ACAT2: variants seen among roughly 807,000 people sequenced by gnomAD.
ACAT2 encodes acetyl-CoA acetyltransferase 2, also known as acetyl-CoA acetyltransferase, cytosolic.
ACAT2 carries 26 observed loss-of-function variants against 37.1 expected under a neutral mutation model. The ratio of observed to expected loss-of-function variants is 0.70; its 90% CI spans 0.51 to 0.97. The LOEUF (loss-of-function observed/expected upper bound fraction) is 0.97. Among genes scored for constraint, ACAT2 ranks in the 50% least tolerant of loss-of-function variants. ACAT2 has a pLI of 0.00. For synonymous variants in ACAT2, 156 were observed against 163.6 expected, an observed-to-expected ratio of 0.95 and a Z score of 0.35; for missense variants, 468 against 489.0, an observed-to-expected ratio of 0.96 and a Z score of 0.40.
At chr6:159,777,912 A>C (rs35625689) in intron 7 of ACAT2, among the ~76,000 whole-genome samples, 4 of 151,968 alleles carry the variant, frequency 2.6e-5, no homozygotes, top group Non-Finnish European at 2.9e-5. Flanking sequence ...TTAGGTACAC[A>C]TAACAGATGC....
At chr6:159,770,580 G>A (rs1583128170) in intron 4 of ACAT2, among the ~76,000 whole-genome samples, 1 of 151,970 alleles carries the variant, frequency 6.6e-6, no homozygotes, top group African/African-American at 2.4e-5. Flanking sequence ...GGGAGGCTGA[G>A]GTGGGAGGAT....
intron 4 of ACAT2, among the ~76,000 whole-genome samples, chr6:159,773,253 A>G (rs576456913): frequency 8.8e-4 from 134 of 152,294 alleles, no homozygotes; most frequent in Non-Finnish European, 1.1e-3. Context: ...ATGCAGTATG[A>G]ACTCAAGGTG....
intron 2 of ACAT2, among the ~76,000 whole-genome samples, chr6:159,766,044 C>T (rs1002190911): frequency 6.6e-6 from 1 of 152,210 alleles, no homozygotes; most frequent in African/African-American, 2.4e-5. Context: ...ACTCCATTCT[C>T]TTCTGTGCTA....
intron 1 of ACAT2, chr6:159,762,585 T>C: frequency 7.3e-7 from 1 of 1,367,012 alleles, no homozygotes; most frequent in South Asian, 1.3e-5. Context: ...GTCTCCTTCG[T>C]GCCGCATGGT....
At chr6:159,776,007 C>T in intron 5 of ACAT2, 143 bp from the exon 6 acceptor site, 1 of 835,744 alleles carries the variant, frequency 1.2e-6, no homozygotes, top group Non-Finnish European at 1.9e-6. Context: ...GTACTTTCCT[C>T]CTGTTGTCAT....
rs911606829 is a variant in ACAT2, at chr6:159,778,897, A to C, written c.*68A>C. The C allele has an allele frequency of 1.2e-6, 2 of 1,600,782 alleles. No homozygotes were observed. Among genetic ancestry groups the C allele is most frequent in the African/African-American group, 1.3e-5 (1 of 74,656 alleles). On this transcript the variant is annotated 3_prime_UTR_variant, in exon 9 of 9. Transcript: ENST00000367048. ...TAAAGTACTAGGTTGCAATATGTGAAATCAGAGGACCAAAGTACAGATGGA... is the reference window on the plus strand; with the variant it reads ...TAAAGTACTAGGTTGCAATATGTGACATCAGAGGACCAAAGTACAGATGGA...
intron 3 of ACAT2, among the ~76,000 whole-genome samples, chr6:159,767,579 T>G (rs1780274122): frequency 6.6e-6 from 1 of 152,224 alleles, no homozygotes; most frequent in South Asian, 2.1e-4. Flanking sequence ...GGGACCAGAC[T>G]TTTTGACCTT....
rs562614908 is a variant in ACAT2 at position 159,771,881 on chromosome 6, T to C, written c.490+3253T>C. On this transcript the variant is annotated intron_variant, in intron 4 of 8. Coordinates refer to ENST00000367048, the MANE Select transcript of ACAT2 (RefSeq NM_005891.3). ...TATGATTGCACCTGTGAGTATCTAC[T>C]GCATTCCAGTCTGGTTAACATAGTG... Among the ~76,000 whole-genome samples the C allele has an allele frequency of 2.6e-5, 4 of 152,232 alleles. No homozygotes were observed. In the South Asian group the frequency reaches 6.2e-4, roughly 24 times the overall value.
intron 2 of ACAT2, among the ~76,000 whole-genome samples, chr6:159,766,068 A>G (rs1413341283): frequency 6.6e-6 from 1 of 152,202 alleles, no homozygotes; most frequent in African/African-American, 2.4e-5. Flanking sequence ...TAAGTAAATT[A>G]TGTATTTCTT....
chr6:159,762,997 C>T lies in ACAT2; in HGVS notation c.134C>T (p.Ala45Val), dbSNP rs1562474434. The change falls in exon 2 of 9, where the codon GCC (alanine) becomes GTC (valine). Residue 45 changes from alanine to valine, a missense_variant. Coordinates refer to ENST00000367048, the MANE Select transcript of ACAT2 (RefSeq NM_005891.3). ...STVIKEVLKRATVAPEDVSEV... is the reference protein window; with the variant it reads ...STVIKEVLKRVTVAPEDVSEV... ...GTCATCAAAGAAGTCTTGAAGAGGG[C>T]CACTGTGGCTCCGGAAGATGTGTCT... 1.2e-6 allele frequency: 2 copies of T among 1,614,094 alleles called. No homozygotes were observed. Among genetic ancestry groups the T allele is most frequent in the South Asian group, 2.2e-5 (2 of 91,060 alleles).
chr6:159,779,043 G>A lies in ACAT2; in HGVS notation c.*214G>A. ...ATTGTTATAAATAAAAGGAACATCA[G>A]ATCAATCATTAAGGGCTCCAGAGTG... On this transcript the variant is annotated 3_prime_UTR_variant, in exon 9 of 9. Transcript: ENST00000367048. 1.2e-6 allele frequency: 2 copies of A among 1,611,458 alleles called. No individual in the cohort carries two copies. Among genetic ancestry groups the A allele is most frequent in the South Asian group, 2.2e-5 (2 of 90,928 alleles).
Position 159,768,560 on chromosome 6 carries a change from C to T in ACAT2, c.422C>T (p.Pro141Leu). ...ACAGGAGTAAAGATAGGTGAGATGC[C>T]ACTGACTGACAGTATACTCTGTGAT... ...LRTGVKIGEMPLTDSILCDGL... is the reference protein window; with the variant it reads ...LRTGVKIGEMLLTDSILCDGL... Residue 141 changes from proline to leucine, a missense_variant, in exon 4 of 9, where the codon CCA becomes CTA. Pro to Leu is a moderately conservative substitution (Grantham distance 98). Coordinates refer to ENST00000367048, the MANE Select transcript of ACAT2 (RefSeq NM_005891.3). 6.2e-7 allele frequency: 1 copy of T among 1,613,974 alleles called. No homozygotes were observed. Among genetic ancestry groups the T allele is most frequent in the Non-Finnish European group, 8.5e-7 (1 of 1,179,912 alleles).
intron 3 of ACAT2, among the ~76,000 whole-genome samples, chr6:159,768,079 A>G (rs1344250566): frequency 6.6e-6 from 1 of 152,224 alleles, no homozygotes; most frequent in Non-Finnish European, 1.5e-5. Context: ...GCCGCTACTC[A>G]GAAATCCCTC....
chr6:159,771,449 A>G (rs1167077151), intron 4 of ACAT2, among the ~76,000 whole-genome samples: 2 of 152,186 alleles, frequency 1.3e-5, no homozygotes, highest in South Asian at 2.1e-4. Context: ...ACTAGCATGC[A>G]TGGAATAGGA....
chr6:159,765,358 C>T (rs574544301), intron 2 of ACAT2, among the ~76,000 whole-genome samples: 1 of 152,016 alleles, frequency 6.6e-6, no homozygotes, highest in South Asian at 2.1e-4. Context: ...TCAAGTTATC[C>T]ACCCGCCTCG....
chr6:159,778,928 T>G lies in ACAT2; in HGVS notation c.*99T>G. The G allele has an allele frequency of 6.4e-7, 1 of 1,569,130 alleles. No homozygotes were observed. The highest frequency in any genetic ancestry group is 8.7e-7 in the Non-Finnish European group (1 of 1,153,174). ...AGGACCAAAGTACAGATGGAAACCATTTCCTACATCACAAAAACCCAAGTT... is the reference window on the plus strand; with the variant it reads ...AGGACCAAAGTACAGATGGAAACCAGTTCCTACATCACAAAAACCCAAGTT... On this transcript the variant is annotated 3_prime_UTR_variant, in exon 9 of 9. Transcript: ENST00000367048.
chr6:159,777,986 C>T (rs915424326), intron 7 of ACAT2, among the ~76,000 whole-genome samples, 184 bp from the exon 8 acceptor site: 4 of 152,144 alleles, frequency 2.6e-5, no homozygotes, highest in Non-Finnish European at 4.4e-5. Flanking sequence ...ACACCCTTAA[C>T]CTTTTGGATG....
Position 159,776,271 on chromosome 6 carries a change from AG to A in ACAT2, c.757+1del. On this transcript the variant is annotated frameshift_variant and splice_region_variant, in exon 6 of 9. Transcript: ENST00000367048. LOFTEE classifies it high-confidence loss of function. ...TGTVTPANAS[G>X]INDGAAAVVL... is the part of the protein sequence containing the mutation. ...GAACAGTCACCCCAGCCAATGCTTC[AG>A]GTTAGATTTTCTGAAGGACATCTGG... 1 of 1,613,566 alleles carries A rather than the reference AG, an allele frequency of 6.2e-7. No individual in the cohort carries two copies. The highest frequency in any genetic ancestry group is 8.5e-7 in the Non-Finnish European group (1 of 1,179,816).
At chr6:159,774,215 T>C (rs1780379667) in intron 4 of ACAT2, among the ~76,000 whole-genome samples, 1 of 152,178 alleles carries the variant, frequency 6.6e-6, no homozygotes. Context: ...CAAATCAAAA[T>C]TGATGACCCT....
Sources: gnomAD v4.1 joint callset for allele counts (sites outside exome capture counted in the v4.1 genomes callset) on GRCh38, gnomAD v4.1.1 for gene constraint, MANE v1.5 for transcripts, NCBI Gene and HGNC (gene_info 2026-07-23, HGNC 2026-07-21) for gene names.